The following TGFB2 variants were observed in gnomAD, a reference collection of about 807,000 sequenced individuals.
The protein encoded by TGFB2 is transforming growth factor beta-2 proprotein.
In TGFB2, 13 loss-of-function variants were observed where a neutral mutation model predicts 42.7. That is an observed-to-expected ratio of 0.30 (90% CI 0.20 to 0.48). TGFB2 has a LOEUF of 0.48. TGFB2 is among the 20% of genes least tolerant of loss of function. The probability of loss-of-function intolerance (pLI) is 0.99; values close to 1 mark genes in which losing one functional copy is unlikely to be tolerated. For missense variants in TGFB2, 390 were observed against 517.5 expected, an observed-to-expected ratio of 0.75 and a Z score of 2.39; for synonymous variants, 193 against 193.6, an observed-to-expected ratio of 1.00 and a Z score of 0.03.
chr1:218,364,556 A>G (rs1180710853), intron 1 of TGFB2, among the ~76,000 whole-genome samples: 1 of 152,190 alleles, frequency 6.6e-6, no homozygotes, highest in Non-Finnish European at 1.5e-5. Context: ...TGAGGCCCTG[A>G]GAAGGTTTGG....
chr1:218,435,408 G>C (rs1396557199), intron 4 of TGFB2, among the ~76,000 whole-genome samples: 3 of 152,166 alleles, frequency 2.0e-5, no homozygotes, highest in African/African-American at 7.2e-5. Context: ...TGTTGAGGAT[G>C]CCATAAAATA....
At chr1:218,414,562 G>T (rs566406067) in intron 2 of TGFB2, among the ~76,000 whole-genome samples, 48 of 151,890 alleles carry the variant, frequency 3.2e-4, no homozygotes, top group African/African-American at 8.5e-4. Context: ...ATATCTCAGG[G>T]TTTTTTTTCA....
chr1:218,408,845 A>T (rs537454560), intron 2 of TGFB2, among the ~76,000 whole-genome samples: 38 of 152,292 alleles, frequency 2.5e-4, no homozygotes, highest in African/African-American at 8.4e-4. Context: ...TCCACAGAGC[A>T]TTACTTTTAT....
intron 1 of TGFB2, among the ~76,000 whole-genome samples, chr1:218,388,328 C>G (rs565792506): frequency 7.3e-6 from 1 of 137,282 alleles, no homozygotes. Context: ...TCACAGTTGG[C>G]CCCCCCACAT....
chr1:218,398,052 C>T (rs1416481435), intron 1 of TGFB2, among the ~76,000 whole-genome samples: 1 of 152,250 alleles, frequency 6.6e-6, no homozygotes, highest in Admixed American at 6.5e-5. Flanking sequence ...ATATTAAACA[C>T]TAAAGCCTCC....
chr1:218,367,451 C>G (rs1284712573), intron 1 of TGFB2, among the ~76,000 whole-genome samples: 1 of 152,208 alleles, frequency 6.6e-6, no homozygotes, highest in Non-Finnish European at 1.5e-5. Context: ...TGATAAATCA[C>G]TTGGTATTTT....
intron 1 of TGFB2, among the ~76,000 whole-genome samples, chr1:218,381,154 G>A (rs912716844): frequency 7.2e-5 from 11 of 152,154 alleles, no homozygotes; most frequent in Non-Finnish European, 1.3e-4. Context: ...TCTAACCTTC[G>A]CAACTGCCCT....
At chr1:218,437,240 A>G (rs1659998563) in intron 5 of TGFB2, 103 bp from the exon 6 acceptor site, 2 of 1,184,536 alleles carry the variant, frequency 1.7e-6, no homozygotes, top group Non-Finnish European at 2.4e-6. Flanking sequence ...TTTGTTGAAT[A>G]AATGAATGAA....
At chr1:218,423,224 T>C (rs1309917218) in intron 2 of TGFB2, among the ~76,000 whole-genome samples, 1 of 152,226 alleles carries the variant, frequency 6.6e-6, no homozygotes, top group African/African-American at 2.4e-5. Context: ...AATGAATATG[T>C]ATTCTACCAG....
intron 1 of TGFB2, among the ~76,000 whole-genome samples, chr1:218,348,522 C>T (rs565645590): frequency 1.3e-5 from 2 of 152,282 alleles, no homozygotes; most frequent in Admixed American, 1.3e-4. Flanking sequence ...TGTTCTTGTT[C>T]AATAGCAGAA....
chr1:218,421,025 C>T (rs1659437544), intron 2 of TGFB2, among the ~76,000 whole-genome samples: 1 of 152,066 alleles, frequency 6.6e-6, no homozygotes, highest in Admixed American at 6.6e-5. Context: ...GTGTGTTAAG[C>T]CACTTCTGAA....
At position 218,356,238 on chromosome 1, in the gene TGFB2, G is replaced by C. The variant is rs1335920579; in HGVS notation, c.346+9191G>C. ...TTTTTAGGGGAATTTTTTTTTTTTC[G>C]AGACAGTCTCACTCTGTTGCCCAGG... On this transcript the variant is annotated intron_variant, in intron 1 of 6. Coordinates refer to ENST00000366930, the MANE Select transcript of TGFB2 (RefSeq NM_003238.6). Among the ~76,000 whole-genome samples, 4 of 147,824 alleles carry C rather than the reference G, an allele frequency of 2.7e-5. No individual in the cohort carries two copies. The East Asian group carries it at 7.9e-4, about 29-fold the overall frequency.
chr1:218,387,064 C>A (rs1263150822), intron 1 of TGFB2, among the ~76,000 whole-genome samples: 1 of 152,144 alleles, frequency 6.6e-6, no homozygotes, highest in African/African-American at 2.4e-5. Flanking sequence ...GCCAGAGACA[C>A]TTCTAAAAAG....
Position 218,346,078 on chromosome 1 carries a change from A to G in TGFB2, c.-624A>G, listed in dbSNP as rs112767600. Among the ~76,000 whole-genome samples, 4 of 151,012 alleles carry G rather than the reference A, an allele frequency of 2.6e-5. No homozygotes were observed. Among genetic ancestry groups the G allele is most frequent in the Non-Finnish European group, 4.4e-5 (3 of 67,746 alleles). On this transcript the variant is annotated 5_prime_UTR_variant, in exon 1 of 7. Transcript: ENST00000366930. This position sits in a 1 kb window ranked among gnomAD's most constrained non-coding sequence, Gnocchi z 4.9. ...CACGCACACACACACACACACACAC[A>G]CACGCACGCACACACGTGTGCGCTT...
rs1459574809 is a variant in TGFB2 at position 218,345,841 on chromosome 1, G to A, written c.-861G>A. 6.6e-6 allele frequency among the ~76,000 whole-genome samples: 1 copy of A among 152,132 alleles called. No individual in the cohort carries two copies. The highest frequency in any genetic ancestry group is 2.4e-5 in the African/African-American group (1 of 41,452). ...AGAAGGAGGGAGCTGGAGGCTGGAA[G>A]CGTTTGCAAGCGGCGGCGGCAGCAA... On this transcript the variant is annotated 5_prime_UTR_variant, in exon 1 of 7. Transcript: ENST00000366930.
At chr1:218,380,598 G>A (rs1017893652) in intron 1 of TGFB2, among the ~76,000 whole-genome samples, 3 of 152,138 alleles carry the variant, frequency 2.0e-5, no homozygotes, top group Non-Finnish European at 4.4e-5. Flanking sequence ...GTGTCCGGGT[G>A]CCAAGAAGCA....
intron 6 of TGFB2, 76 bp from the exon 7 acceptor site, chr1:218,441,128 G>A: frequency 7.1e-7 from 1 of 1,407,706 alleles, no homozygotes; most frequent in Non-Finnish European, 9.7e-7. Flanking sequence ...TAACAATGTG[G>A]AATTCTTTTT....
chr1:218,363,057 A>G (rs1657270983), intron 1 of TGFB2, among the ~76,000 whole-genome samples: 1 of 152,086 alleles, frequency 6.6e-6, no homozygotes, highest in South Asian at 2.1e-4. Context: ...TGTAAATTGT[A>G]CTCTGTTATT....
chr1:218,437,597 C>A, intron 6 of TGFB2, 101 bp downstream of exon 6: 1 of 1,285,338 alleles, frequency 7.8e-7, no homozygotes, highest in Non-Finnish European at 1.0e-6. Flanking sequence ...GCTGTCTTAC[C>A]ATCACACATG....
Sources: allele counts gnomAD v4.1 joint callset (sites outside exome capture counted in the v4.1 genomes callset), GRCh38; gene constraint gnomAD v4.1.1; non-coding constraint Gnocchi (gnomAD v3.1); transcripts MANE v1.5; gene names NCBI Gene and HGNC (gene_info 2026-07-23, HGNC 2026-07-21).